Variants in SPIN2A observed in about 807,000 individuals in gnomAD.
The protein encoded by SPIN2A is spindlin-2A.
In SPIN2A, 4 loss-of-function variants were observed where a neutral mutation model predicts 9.2. The ratio of observed to expected loss-of-function variants is 0.44; its 90% CI spans 0.21 to 1.00. The LOEUF is 1.00. Among genes scored for constraint, SPIN2A ranks in the 50% least tolerant of loss-of-function variants. The probability of loss-of-function intolerance (pLI) is 0.26; values close to 1 mark genes in which losing one functional copy is unlikely to be tolerated. For synonymous variants in SPIN2A, 25 were observed against 61.2 expected (o/e 0.41, Z 2.76); for missense variants, 77 against 172.8 (o/e 0.45, Z 3.11).
chrX:57,137,791 A>C (rs1272940033), upstream of SPIN2A, among the ~76,000 whole-genome samples: 3 of 111,622 alleles, frequency 2.7e-5, no homozygotes. Flanking sequence ...GGAAACATAC[A>C]AATTAACATA....
chrX:57,141,137 T>G (rs1284095388), upstream of SPIN2A, among the ~76,000 whole-genome samples: 2 of 112,274 alleles, frequency 1.8e-5, no homozygotes, highest in Non-Finnish European at 3.8e-5. Context: ...TTGAGAGTTT[T>G]TTTCATGAAA....
chrX:57,146,804 C>T, the SPIN2A span, among the ~76,000 whole-genome samples: 4 of 111,834 alleles, frequency 3.6e-5, no homozygotes, highest in Non-Finnish European at 7.5e-5. Context: ...AATGCTTTTT[C>T]TTCATCTATT....
At chrX:57,141,047 C>T (rs912918871), upstream of SPIN2A, among the ~76,000 whole-genome samples, 4 of 111,963 alleles carry the variant, frequency 3.6e-5, no homozygotes, top group Non-Finnish European at 7.5e-5. Context: ...CAGGTTTTTT[C>T]CCATTTCATA....
chrX:57,139,151 T>C (rs2073878819), upstream of SPIN2A, among the ~76,000 whole-genome samples: 1 of 112,254 alleles, frequency 8.9e-6, no homozygotes. Context: ...TGAAGCTTTT[T>C]CCCAAAGTTT....
chrX:57,140,816 T>C (rs1164269019), upstream of SPIN2A, among the ~76,000 whole-genome samples: 1 of 110,878 alleles, frequency 9.0e-6, no homozygotes, highest in Non-Finnish European at 1.9e-5. Flanking sequence ...TAATAGACAC[T>C]AGGATTTCCA....
chrX:57,144,943 C>T, the SPIN2A span, among the ~76,000 whole-genome samples: 1 of 110,862 alleles, frequency 9.0e-6, no homozygotes, highest in African/African-American at 3.3e-5. Flanking sequence ...CACACACACA[C>T]ACCACAATTT....
upstream of SPIN2A, among the ~76,000 whole-genome samples, chrX:57,141,815 G>A (rs1181675867): frequency 9.1e-6 from 1 of 109,836 alleles, no homozygotes; most frequent in Non-Finnish European, 1.9e-5. Flanking sequence ...TAAGTTCTAG[G>A]ATACAACTGA....
upstream of SPIN2A, among the ~76,000 whole-genome samples, chrX:57,140,273 C>T (rs1023871065): frequency 9.1e-6 from 1 of 109,569 alleles, no homozygotes; most frequent in African/African-American, 3.3e-5. Context: ...ATCATATTAT[C>T]TGCAAATAAA....
the SPIN2A span, among the ~76,000 whole-genome samples, chrX:57,144,864 T>A: frequency 9.2e-6 from 1 of 108,875 alleles, no homozygotes; most frequent in African/African-American, 3.4e-5. Flanking sequence ...TTCCTTTTTA[T>A]GACTGAGTAG....
At chrX:57,135,217 T>G (rs1602020823), downstream of SPIN2A, 1 of 118,909 alleles carries the variant, frequency 8.4e-6, no homozygotes, top group African/African-American at 3.3e-5. Context: ...CCCAGATCCC[T>G]GTCAGGTTGA....
At chrX:57,138,347 A>G (rs1374348205), upstream of SPIN2A, among the ~76,000 whole-genome samples, 1 of 111,332 alleles carries the variant, frequency 9.0e-6, no homozygotes, top group African/African-American at 3.3e-5. Flanking sequence ...CAATAAAAAC[A>G]ATATGTTGGC....
At chrX:57,138,727 A>T (rs1007239044), upstream of SPIN2A, among the ~76,000 whole-genome samples, 1 of 111,056 alleles carries the variant, frequency 9.0e-6, no homozygotes, top group African/African-American at 3.3e-5. Context: ...AGCAGTTTTT[A>T]TTTTCTGTCT....
chrX:57,135,841 C>T lies in SPIN2A; in HGVS notation c.757G>A (p.Asp253Asn), dbSNP rs750958836. Residue 253 changes from aspartate to asparagine, a missense_variant, in exon 2 of 2, where the codon GAT becomes AAT. This residue lies in a region of SPIN2A where 36 missense variants were observed against 47.6 expected (regional missense o/e 0.76). Coordinates refer to ENST00000374906, the MANE Select transcript of SPIN2A (RefSeq NM_019003.5). ...AACAGTTAGGACTTTTTCACCAAAT[C>T]GTAGACATAGATATGGAAATCATCA... ...FDDDFHIYVY[D>N]LVKKS 19 of 1,200,963 alleles carry T rather than the reference C, an allele frequency of 1.6e-5. No homozygotes were observed. In the East Asian group the frequency reaches 2.1e-4, roughly 13 times the overall value.
At chrX:57,136,941 G>A in intron 1 of SPIN2A, 1 of 844,630 alleles carries the variant, frequency 1.2e-6, no homozygotes. Context: ...GCCTTGACCA[G>A]CACCCACTAC....
At chrX:57,137,743 A>T (rs1478689912), upstream of SPIN2A, 1 of 111,000 alleles carries the variant, frequency 9.0e-6, no homozygotes, top group Non-Finnish European at 1.9e-5. Context: ...CTCTTGCTCC[A>T]TCTGTTTTCC....
upstream of SPIN2A, chrX:57,137,649 A>G (rs903178199): frequency 9.0e-6 from 1 of 110,997 alleles, no homozygotes; most frequent in African/African-American, 3.3e-5. Flanking sequence ...ACAATTCACA[A>G]CAGTGGAACC....
At chrX:57,134,666 A>G (rs1927625367), downstream of SPIN2A, 1 of 111,579 alleles carries the variant, frequency 9.0e-6, no homozygotes, top group Admixed American at 9.5e-5. Context: ...TGGATAAAGT[A>G]CTTTCCAAAT....
At chrX:57,145,087 T>C in the SPIN2A span, among the ~76,000 whole-genome samples, 1 of 111,782 alleles carries the variant, frequency 8.9e-6, no homozygotes, top group African/African-American at 3.3e-5. Context: ...GTGGGATTGC[T>C]GGATCAAATG....
the SPIN2A span, among the ~76,000 whole-genome samples, chrX:57,145,918 T>A: frequency 8.9e-6 from 1 of 111,884 alleles, no homozygotes; most frequent in East Asian, 2.8e-4. Context: ...TTGGTCTATG[T>A]GCCTGTTTTT....
Sources: gnomAD v4.1 joint callset for allele counts (sites outside exome capture counted in the v4.1 genomes callset) on GRCh38, gnomAD v4.1.1 for gene constraint, gnomAD v4.1.1 regional missense constraint, MANE v1.5 for transcripts, NCBI Gene and HGNC (gene_info 2026-07-23, HGNC 2026-07-21) for gene names.